BCAS3: variants seen among roughly 807,000 people sequenced by gnomAD.
BCAS3 encodes BCAS4/BCAS3 fusion.
In BCAS3, 53 loss-of-function variants were observed where a neutral mutation model predicts 116.1. The observed-to-expected ratio is 0.46, with a 90% confidence interval of 0.37 to 0.57. The LOEUF is 0.57. Ranked by LOEUF, BCAS3 falls within the 20% of genes least tolerant of loss-of-function variation. BCAS3 has a pLI of 0.00. For synonymous variants in BCAS3, 391 were observed against 408.2 expected, an observed-to-expected ratio of 0.96 and a Z score of 0.51; for missense variants, 917 against 1,165.4, an observed-to-expected ratio of 0.79 and a Z score of 3.10.
Position 61,040,653 on chromosome 17 carries a change from T to A in BCAS3, c.1929-139T>A, listed in dbSNP as rs868527746. 4.8e-5 allele frequency: 34 copies of A among 713,002 alleles called. No homozygotes were observed. In the Middle Eastern group the frequency reaches 9.9e-4, roughly 21 times the overall value. The allele number at this position is 713,002 out of a possible 1,614,324, so 44.2% of individuals were successfully genotyped here. On this transcript the variant is annotated intron_variant, in intron 18 of 23. Coordinates refer to ENST00000407086, the MANE Select transcript of BCAS3 (RefSeq NM_017679.5). ...TGTGTTTCAGGTTTCATCACATTCA[T>A]TTTAATGATTACAAGTTCATTTTAA...
chr17:60,915,790 C>T (rs892719477), intron 12 of BCAS3, among the ~76,000 whole-genome samples: 1 of 151,408 alleles, frequency 6.6e-6, no homozygotes, highest in African/African-American at 2.4e-5. Context: ...TCATGCCATT[C>T]TCCTGTCTCA....
At chr17:60,802,371 C>CATACATATAT (rs1555724685) in intron 6 of BCAS3, among the ~76,000 whole-genome samples, 7 of 111,946 alleles carry the variant, frequency 6.3e-5, no homozygotes, top group African/African-American at 2.3e-4. Flanking sequence ...TACATACATA[C>CATACATATAT]ATATATATAT....
intron 4 of BCAS3, among the ~76,000 whole-genome samples, chr17:60,708,047 G>A (rs2037392150): frequency 6.6e-6 from 1 of 152,132 alleles, no homozygotes; most frequent in African/African-American, 2.4e-5. Context: ...TGTAAGGCCG[G>A]AAGTGATGGC....
At chr17:61,272,636 CAAAAAAAAA>C (rs373837874) in intron 22 of BCAS3, among the ~76,000 whole-genome samples, 1,291 of 47,344 alleles carry the variant, frequency 0.027, 14 homozygotes, top group African/African-American at 0.08. Context: ...AACCCTGTCT[CAAAAAAAAA>C]AAAAAAAAAA....
At chr17:60,952,924 C>T (rs141964174) in intron 14 of BCAS3, among the ~76,000 whole-genome samples, 12 of 151,982 alleles carry the variant, frequency 7.9e-5, no homozygotes, top group Middle Eastern at 3.4e-3. Context: ...GCTCCATCCA[C>T]GTTCCTGCAA....
Position 61,134,679 on chromosome 17 carries a change from C to T in BCAS3, c.2425+50115C>T, listed in dbSNP as rs2076524998. On this transcript the variant is annotated intron_variant, in intron 22 of 23. Transcript: ENST00000407086. The surrounding 1 kb of genome is among the most constrained non-coding windows in gnomAD (Gnocchi z 4.6). ...ATAGCTAGCATTGATGGAGCCTGTA[C>T]TATATAATTATGTAATTATATTTAC... Among the ~76,000 whole-genome samples the T allele has an allele frequency of 6.6e-6, 1 of 152,178 alleles. No individual in the cohort carries two copies. The highest frequency in any genetic ancestry group is 2.4e-5 in the African/African-American group (1 of 41,440).
chr17:60,869,074 T>G (rs1371249826), intron 8 of BCAS3, among the ~76,000 whole-genome samples: 1 of 152,230 alleles, frequency 6.6e-6, no homozygotes, highest in Non-Finnish European at 1.5e-5. Context: ...ACCACCAAAA[T>G]TTTTGAAAAG....
intron 14 of BCAS3, among the ~76,000 whole-genome samples, chr17:60,950,827 C>T (rs1451184960): frequency 2.6e-5 from 4 of 152,124 alleles, no homozygotes; most frequent in Non-Finnish European, 5.9e-5. Flanking sequence ...GGAAATTTCT[C>T]TTAATAGGAA....
intron 6 of BCAS3, among the ~76,000 whole-genome samples, chr17:60,766,829 C>A (rs9897767): frequency 6.6e-6 from 1 of 152,094 alleles, no homozygotes; most frequent in Non-Finnish European, 1.5e-5. Flanking sequence ...CAGGCGGGCC[C>A]TGTTGAGCTG....
At chr17:60,878,352 TGTCAGAAG>T (rs1466334982) in intron 9 of BCAS3, among the ~76,000 whole-genome samples, 1 of 152,124 alleles carries the variant, frequency 6.6e-6, no homozygotes, top group Non-Finnish European at 1.5e-5. Context: ...TTAATATAGT[TGTCAGAAG>T]GTAGGATGGT....
chr17:61,316,440 T>G lies in BCAS3; in HGVS notation c.2426-51887T>G, dbSNP rs1018628030. On this transcript the variant is annotated intron_variant, in intron 22 of 23. Transcript: ENST00000407086. The surrounding 1 kb of genome is among the most constrained non-coding windows in gnomAD (Gnocchi z 5.8). ...AGAGATGATGTTCATGCCCCATGCC[T>G]TTGTTGGTACTGGTCCCTGAGATGT... Among the ~76,000 whole-genome samples the G allele has an allele frequency of 6.6e-6, 1 of 152,254 alleles. No individual in the cohort carries two copies. Among genetic ancestry groups the G allele is most frequent in the African/African-American group, 2.4e-5 (1 of 41,526 alleles).
At chr17:61,115,935 T>C (rs991247615) in intron 22 of BCAS3, among the ~76,000 whole-genome samples, 6 of 151,768 alleles carry the variant, frequency 4.0e-5, no homozygotes, top group African/African-American at 1.2e-4. Flanking sequence ...GTTCATGTCC[T>C]TTGTAGGGAC....
chr17:61,216,570 G>C (rs2081805166), intron 22 of BCAS3, among the ~76,000 whole-genome samples: 1 of 129,424 alleles, frequency 7.7e-6, no homozygotes, highest in African/African-American at 3.1e-5. Context: ...TTTTGAGTTG[G>C]AGTCTTGCTC....
Position 61,104,809 on chromosome 17 carries a change from G to A in BCAS3, c.2425+20245G>A, listed in dbSNP as rs930458305. Among the ~76,000 whole-genome samples, 1 of 152,122 alleles carries A rather than the reference G, an allele frequency of 6.6e-6. No individual in the cohort carries two copies. Among genetic ancestry groups the A allele is most frequent in the Non-Finnish European group, 1.5e-5 (1 of 68,022 alleles). On this transcript the variant is annotated intron_variant, in intron 22 of 23. Coordinates refer to ENST00000407086, the MANE Select transcript of BCAS3 (RefSeq NM_017679.5). This position sits in a 1 kb window ranked among gnomAD's most constrained non-coding sequence, Gnocchi z 4.1. ...AGCAGAGTAACTTTGCCCAGCCCTG[G>A]AGCAGAACATTCTTAAAAGTAAGCC...
intron 7 of BCAS3, among the ~76,000 whole-genome samples, chr17:60,834,905 T>G (rs183104403): frequency 9.9e-5 from 15 of 152,158 alleles, no homozygotes; most frequent in Admixed American, 4.6e-4. Context: ...CCCTAGTATA[T>G]TCTTTTAGTT....
At position 61,337,877 on chromosome 17, in the gene BCAS3, C is replaced by T. The variant is rs1306680348; in HGVS notation, c.2426-30450C>T. ...CACCAGTCCTGCAAGGAAGATAGTT[C>T]TATCCCATTTTATAGTTGAGGAAAC... On this transcript the variant is annotated intron_variant, in intron 22 of 23. Coordinates refer to ENST00000407086, the MANE Select transcript of BCAS3 (RefSeq NM_017679.5). The surrounding 1 kb of genome is among the most constrained non-coding windows in gnomAD (Gnocchi z 4.8). Among the ~76,000 whole-genome samples the T allele has an allele frequency of 6.6e-6, 1 of 152,144 alleles. No homozygotes were observed. Among genetic ancestry groups the T allele is most frequent in the Non-Finnish European group, 1.5e-5 (1 of 68,028 alleles).
Position 61,074,973 on chromosome 17 carries a change from T to G in BCAS3, c.2083T>G (p.Leu695Val). 6.2e-7 allele frequency: 1 copy of G among 1,613,754 alleles called. No individual in the cohort carries two copies. The highest frequency in any genetic ancestry group is 1.1e-5 in the South Asian group (1 of 91,046). The change falls in exon 20 of 24, where the codon TTA becomes GTA. Residue 695 changes from leucine to valine, a missense_variant. This residue lies in a region of BCAS3 where 807 missense variants were observed against 1,026.0 expected (regional missense o/e 0.79). Transcript: ENST00000407086. ...PITRHGSYDS[L>V]ASDHSGQEDE... The stretch of plus-strand genomic sequence containing the variant: ...TACTCGACATGGGTCTTACGACAGT[T>G]TAGCTTCTGACCATAGTGGACAGGA...
At position 61,105,127 on chromosome 17, in the gene BCAS3, G is replaced by A. The variant is rs1884629299; in HGVS notation, c.2425+20563G>A. On this transcript the variant is annotated intron_variant, in intron 22 of 23. Transcript: ENST00000407086. This position sits in a 1 kb window ranked among gnomAD's most constrained non-coding sequence, Gnocchi z 4.3. Reference sequence around the variant, plus strand: ...TTTTATGAGAATAAAAAGTGAATTGGGTGCTATTTAAATATTCTCTACTTA... The same window carrying A: ...TTTTATGAGAATAAAAAGTGAATTGAGTGCTATTTAAATATTCTCTACTTA... 6.6e-6 allele frequency among the ~76,000 whole-genome samples: 1 copy of A among 152,014 alleles called. No homozygotes were observed. Among genetic ancestry groups the A allele is most frequent in the Non-Finnish European group, 1.5e-5 (1 of 67,994 alleles).
In BCAS3 at chr17:60,808,229, C is replaced by T. The variant is rs147364009; in HGVS notation, c.476+153C>T. ...AGTAAAACATATTTAGGGTTTCCAACAGTAAATGACATTTATTGATGCTAT... is the reference window on the plus strand; with the variant it reads ...AGTAAAACATATTTAGGGTTTCCAATAGTAAATGACATTTATTGATGCTAT... On this transcript the variant is annotated intron_variant, in intron 7 of 23. Transcript: ENST00000407086. 9.7e-4 allele frequency: 546 copies of T among 564,324 alleles called. 1 individual carries two copies. Among genetic ancestry groups the T allele is most frequent in the African/African-American group, 8.6e-3 (455 of 52,664 alleles). The allele number at this position is 564,324 out of a possible 1,614,324, so 35.0% of individuals were successfully genotyped here.
Sources: gnomAD v4.1 joint callset for allele counts (sites outside exome capture counted in the v4.1 genomes callset) on GRCh38, gnomAD v4.1.1 for gene constraint, gnomAD v4.1.1 regional missense constraint, Gnocchi (gnomAD v3.1) non-coding constraint, MANE v1.5 for transcripts, NCBI Gene and HGNC (gene_info 2026-07-23, HGNC 2026-07-21) for gene names.